GORASP2: variants seen among roughly 807,000 people sequenced by gnomAD.
GORASP2 encodes the protein golgi reassembly stacking protein 2.
GORASP2 carries 22 observed loss-of-function variants against 45.7 expected under a neutral mutation model. That is an observed-to-expected ratio of 0.48 (90% CI 0.34 to 0.69). The LOEUF (loss-of-function observed/expected upper bound fraction) is 0.69. Among genes scored for constraint, GORASP2 ranks in the 30% least tolerant of loss-of-function variants. The pLI is 0.01. For synonymous variants in GORASP2, 221 were observed against 215.6 expected, an observed-to-expected ratio of 1.02 and a Z score of -0.22; for missense variants, 491 against 562.7, an observed-to-expected ratio of 0.87 and a Z score of 1.29.
At chr2:170,964,088 C>G (rs1031736439) in intron 9 of GORASP2, among the ~76,000 whole-genome samples, 16 of 152,214 alleles carry the variant, frequency 1.1e-4, no homozygotes, top group African/African-American at 3.6e-4. Flanking sequence ...AGTGTCTGCA[C>G]TCAGATTTTC....
chr2:170,932,789 TTGAATAATA>T (rs1235025407), intron 1 of GORASP2, among the ~76,000 whole-genome samples: 1 of 152,240 alleles, frequency 6.6e-6, no homozygotes, highest in Non-Finnish European at 1.5e-5. Context: ...CACAAAGATT[TTGAATAATA>T]TGACGTATTC....
At chr2:170,929,976 A>G (rs546531915) in intron 1 of GORASP2, 207 of 336,380 alleles carry the variant, frequency 6.2e-4, no homozygotes, top group Non-Finnish European at 1.1e-3. Context: ...CTTGATTTTG[A>G]CCAGACTTTT....
At position 170,949,413 on chromosome 2, in the gene GORASP2, T is replaced by A. The variant is rs149888712; in HGVS notation, c.145-126T>A. The A allele has an allele frequency of 1.9e-3, 1,236 of 642,502 alleles. 13 individuals are homozygous for A. The highest frequency in any genetic ancestry group is 0.019 in the African/African-American group (1,037 of 54,784). 39.8% of individuals were successfully genotyped at this position (642,502 alleles called of 1,614,324 possible). On this transcript the variant is annotated intron_variant, in intron 2 of 9. Coordinates refer to ENST00000234160, the MANE Select transcript of GORASP2 (RefSeq NM_015530.5). The stretch of plus-strand genomic sequence containing the variant: ...TTTACATAGAAGAAAATTTAAATGT[T>A]GGTGAAACCTTTGTTGAATGTTTTA...
At chr2:170,932,196 T>C in intron 1 of GORASP2, among the ~76,000 whole-genome samples, 1 of 152,182 alleles carries the variant, frequency 6.6e-6, no homozygotes, top group East Asian at 1.9e-4. Context: ...CATTGCACTC[T>C]AGCCTAGGCA....
At position 170,965,992 on chromosome 2, in the gene GORASP2, C is replaced by T. The variant is rs766126832; in HGVS notation, c.1221C>T (p.Ala407=). 5.0e-6 allele frequency: 8 copies of T among 1,613,784 alleles called. No individual in the cohort carries two copies. Among genetic ancestry groups the T allele is most frequent in the Non-Finnish European group, 6.8e-6 (8 of 1,179,868 alleles). The part of the protein sequence containing the change: ...PATTTAKADA[A]SSLTVDVTPP... ...CAACTACTGCAAAGGCAGACGCTGC[C>T]TCCTCACTCACTGTGGATGTGACGC... is the stretch of plus-strand genomic sequence containing the variant. Residue 407 remains alanine (A), a synonymous_variant, in exon 10 of 10, where the codon GCC becomes GCT. Coordinates refer to ENST00000234160, the MANE Select transcript of GORASP2 (RefSeq NM_015530.5).
Position 170,966,675 on chromosome 2 carries a change from C to T in GORASP2, c.*545C>T, listed in dbSNP as rs2105332679. On this transcript the variant is annotated 3_prime_UTR_variant, in exon 10 of 10. Coordinates refer to ENST00000234160, the MANE Select transcript of GORASP2 (RefSeq NM_015530.5). ...ACTTGTGTTAAAGTTCTACAGCGCG[C>T]ACTGTTAACTGAACGTCTTTTTCTT... 1 of 160,092 alleles carries T rather than the reference C, an allele frequency of 6.2e-6. No homozygotes were observed. The highest frequency in any genetic ancestry group is 1.9e-4 in the East Asian group (1 of 5,258). The allele number at this position is 160,092 out of a possible 1,614,324, so 9.9% of individuals were successfully genotyped here. A position where few individuals can be genotyped will look rare whatever the true frequency, so the allele number is the denominator to read the frequency against.
intron 1 of GORASP2, among the ~76,000 whole-genome samples, chr2:170,940,313 T>C (rs532944679): frequency 6.6e-6 from 1 of 152,218 alleles, no homozygotes; most frequent in Non-Finnish European, 1.5e-5. Flanking sequence ...ATACCTCAGC[T>C]GAAGGTATGT....
At chr2:170,961,794 A>AGC in intron 8 of GORASP2, 45 bp downstream of exon 8, 5 of 921,764 alleles carry the variant, frequency 5.4e-6, no homozygotes, top group Non-Finnish European at 9.1e-6. Context: ...TAACAGTATT[A>AGC]CTGATATTTG....
chr2:170,958,600 T>G (rs961285710), intron 7 of GORASP2, among the ~76,000 whole-genome samples: 1 of 151,840 alleles, frequency 6.6e-6, no homozygotes, highest in South Asian at 2.1e-4. Context: ...CAGCAGCCCA[T>G]TTGAGTCTGA....
Position 170,965,855 on chromosome 2 carries a change from T to C in GORASP2, c.1084T>C (p.Ser362Pro). ...TGGCATTGCACCTCTCCCCCTGCCA[T>C]CCGAGTTCCTCCCGTCATTCCCCTT... is the stretch of plus-strand genomic sequence containing the variant. Reference protein sequence around the residue: ...LPGIAPLPLPSEFLPSFPLVP... With the variant: ...LPGIAPLPLPPEFLPSFPLVP... The change falls in exon 10 of 10, where the codon TCC becomes CCC. Residue 362 changes from serine (S) to proline (P), a missense_variant. Coordinates refer to ENST00000234160, the MANE Select transcript of GORASP2 (RefSeq NM_015530.5). 6.2e-7 allele frequency: 1 copy of C among 1,614,036 alleles called. No homozygotes were observed.
At chr2:170,940,861 T>C (rs1436603188) in intron 1 of GORASP2, among the ~76,000 whole-genome samples, 1 of 152,240 alleles carries the variant, frequency 6.6e-6, no homozygotes, top group Non-Finnish European at 1.5e-5. Flanking sequence ...ACTTGTCTTT[T>C]GTGACACACT....
intron 1 of GORASP2, among the ~76,000 whole-genome samples, chr2:170,933,260 A>G (rs1020227795): frequency 2.2e-4 from 34 of 152,182 alleles, no homozygotes; most frequent in Non-Finnish European, 4.7e-4. Flanking sequence ...TGGCACTTTT[A>G]TTTTGGTCCT....
At chr2:170,955,212 A>G (rs983561613) in intron 6 of GORASP2, among the ~76,000 whole-genome samples, 3 of 152,124 alleles carry the variant, frequency 2.0e-5, no homozygotes, top group Non-Finnish European at 4.4e-5. Context: ...GTCAGGTGAA[A>G]GGAGTGAAAA....
chr2:170,950,888 G>A (rs996906943), intron 4 of GORASP2, among the ~76,000 whole-genome samples: 3 of 152,084 alleles, frequency 2.0e-5, no homozygotes, highest in African/African-American at 7.2e-5. Flanking sequence ...AGGCTGAGGT[G>A]GAAGGATCAC....
chr2:170,937,558 A>AGTCTCAGGAGTCCCAGGAGTCCCAGT (rs1703985133), intron 1 of GORASP2, among the ~76,000 whole-genome samples: 1 of 152,146 alleles, frequency 6.6e-6, no homozygotes, highest in South Asian at 2.1e-4. Context: ...AGTCCCAGGT[A>AGTCTCAGGAGTCCCAGGAGTCCCAGT]CTCAGGAGGC....
chr2:170,929,711 T>C (rs1388445751), intron 1 of GORASP2: 6 of 594,810 alleles, frequency 1.0e-5, no homozygotes, highest in South Asian at 9.1e-5. Context: ...CGCACGGCCT[T>C]CTCTCTCCTC....
At chr2:170,936,511 C>A in intron 1 of GORASP2, 1 of 514,586 alleles carries the variant, frequency 1.9e-6, no homozygotes, top group Non-Finnish European at 3.4e-6. Context: ...TGAGCCACCA[C>A]ACCTAGTCCT....
In GORASP2 at chr2:170,929,366, TC is replaced by T; in HGVS notation, c.29del (p.Pro10ArgfsTer39). On this transcript the variant is annotated frameshift_variant, in exon 1 of 10. Transcript: ENST00000234160. LOFTEE classifies it high-confidence loss of function. ...ATGGGCTCCTCGCAAAGCGTCGAGA[TC>T]CCGGGCGGGGGCACCGAGGGCTACC... MGSSQSVE[I>X]PGGGTEGYHV... The T allele has an allele frequency of 7.1e-7, 1 of 1,407,858 alleles. No homozygotes were observed. Among genetic ancestry groups the T allele is most frequent in the Admixed American group, 2.8e-5 (1 of 35,246 alleles). The allele number at this position is 1,407,858 out of a possible 1,614,324, so 87.2% of individuals were successfully genotyped here. A position where few individuals can be genotyped will look rare whatever the true frequency, so the allele number is the denominator to read the frequency against.
At chr2:170,961,917 T>G (rs1254076435) in intron 8 of GORASP2, among the ~76,000 whole-genome samples, 168 bp downstream of exon 8, 2 of 152,252 alleles carry the variant, frequency 1.3e-5, no homozygotes, top group Admixed American at 6.5e-5. Flanking sequence ...GCAACTCTCC[T>G]TAGTAAACAA....
Sources: gnomAD v4.1 joint callset for allele counts (sites outside exome capture counted in the v4.1 genomes callset) on GRCh38, gnomAD v4.1.1 for gene constraint, MANE v1.5 for transcripts, NCBI Gene and HGNC (gene_info 2026-07-23, HGNC 2026-07-21) for gene names.